The following TERF2IP variants were observed in gnomAD, a reference collection of about 807,000 sequenced individuals.
The protein encoded by TERF2IP is TERF2 interacting protein, also known as telomeric repeat-binding factor 2-interacting protein 1.
In TERF2IP, 35 loss-of-function variants were observed where a neutral mutation model predicts 33.3. The observed-to-expected ratio is 1.05, with a 90% confidence interval of 0.80 to 1.39. The LOEUF (loss-of-function observed/expected upper bound fraction) is 1.39, where lower values mean the gene tolerates loss of function less well. Among genes scored for constraint, TERF2IP ranks in the 40% most tolerant of loss-of-function variants. The probability of loss-of-function intolerance (pLI) is 0.00; values close to 1 mark genes in which losing one functional copy is unlikely to be tolerated. For synonymous variants in TERF2IP, 253 were observed against 223.2 expected, an observed-to-expected ratio of 1.13 and a Z score of -1.19; for missense variants, 583 against 524.8, an observed-to-expected ratio of 1.11 and a Z score of -1.08.
rs771953831 is a variant in TERF2IP at position 75,648,577 on chromosome 16, C to A, written c.670+25C>A. The A allele has an allele frequency of 1.3e-4, 190 of 1,509,100 alleles. No homozygotes were observed. The highest frequency in any genetic ancestry group is 7.9e-4 in the East Asian group (33 of 41,940). The allele number at this position is 1,509,100 out of a possible 1,614,324, so 93.5% of individuals were successfully genotyped here. A position where few individuals can be genotyped will look rare whatever the true frequency, so the allele number is the denominator to read the frequency against. On this transcript the variant is annotated intron_variant, in intron 1 of 2. Transcript: ENST00000300086. ...GGTGAGGAGGCTGAGCGCGGGGCCT[C>A]GCGGATATCTGCGCGGGTGGGGTTG... is the stretch of plus-strand genomic sequence containing the variant.
At position 75,656,320 on chromosome 16, in the gene TERF2IP, A is replaced by G; in HGVS notation, c.909A>G (p.Glu303=). ...CTGATGAGGAGGAAGAAGAAGAAGAAGAAAAAGTTTCTCAACCAGAGGTGG... is the reference window on the plus strand; with the variant it reads ...CTGATGAGGAGGAAGAAGAAGAAGAGGAAAAAGTTTCTCAACCAGAGGTGG... The part of the protein sequence containing the change: ...TQPDEEEEEE[E]EKVSQPEVGA... The change falls in exon 3 of 3, where the codon GAA becomes GAG. Residue 303 remains glutamate (E), a synonymous_variant. Coordinates refer to ENST00000300086, the MANE Select transcript of TERF2IP (RefSeq NM_018975.4). The G allele has an allele frequency of 6.2e-7, 1 of 1,614,204 alleles. No individual in the cohort carries two copies. The highest frequency in any genetic ancestry group is 8.5e-7 in the Non-Finnish European group (1 of 1,180,034).
intron 1 of TERF2IP, among the ~76,000 whole-genome samples, chr16:75,650,329 C>G (rs535056639): frequency 1.9e-4 from 29 of 152,238 alleles, no homozygotes; most frequent in East Asian, 1.5e-3. Context: ...AGGTGGATAT[C>G]TGGGGAAGAG....
In TERF2IP at chr16:75,647,870, C is replaced by A; in HGVS notation, c.-13C>A. The A allele has an allele frequency of 6.2e-7, 1 of 1,601,526 alleles. No individual in the cohort carries two copies. On this transcript the variant is annotated 5_prime_UTR_variant, in exon 1 of 3. Transcript: ENST00000300086. ...CGAGGGGGTAGCTCTTCTAGTAGTG[C>A]TCGGCGTCAGACATGGCGGAGGCGA...
At position 75,656,667 on chromosome 16, in the gene TERF2IP, A is replaced by T. The variant is rs1447174424; in HGVS notation, c.*56A>T. The T allele has an allele frequency of 6.7e-7, 1 of 1,482,652 alleles. No homozygotes were observed. The highest frequency in any genetic ancestry group is 9.1e-7 in the Non-Finnish European group (1 of 1,101,028). The allele number at this position is 1,482,652 out of a possible 1,614,324, so 91.8% of individuals were successfully genotyped here. A position where few individuals can be genotyped will look rare whatever the true frequency, so the allele number is the denominator to read the frequency against. ...ATGGTAGGTGAGGTGGTTAAAAAAA[A>T]TTGTGACCAATGAACTTTAGAGAGT... On this transcript the variant is annotated 3_prime_UTR_variant, in exon 3 of 3. Transcript: ENST00000300086.
chr16:75,654,507 G>C, intron 2 of TERF2IP, 110 bp downstream of exon 2: 1 of 1,203,434 alleles, frequency 8.3e-7, no homozygotes, highest in Non-Finnish European at 1.1e-6. Flanking sequence ...AAGTGAGAGA[G>C]GAGTTCAAGA....
At chr16:75,654,148 TAAAAAAAAA>T (rs34359798) in intron 1 of TERF2IP, 116 bp from the exon 2 acceptor site, 10 of 290,468 alleles carry the variant, frequency 3.4e-5, no homozygotes, top group East Asian at 7.7e-5. Context: ...CTTCTGATAG[TAAAAAAAAA>T]AAAAAAAAAA....
intron 1 of TERF2IP, among the ~76,000 whole-genome samples, chr16:75,652,810 C>T (rs2082357015): frequency 6.6e-6 from 1 of 152,182 alleles, no homozygotes; most frequent in Non-Finnish European, 1.5e-5. Context: ...ACTGTCACCA[C>T]CATCTGTATC....
rs2082389994 is a variant in TERF2IP at position 75,656,726 on chromosome 16, A to G, written c.*115A>G. ...TGGAACTGGCACTTATTTTCTGACC[A>G]TCGCTGCTGTTGCTCTGTGAGTCCT... On this transcript the variant is annotated 3_prime_UTR_variant, in exon 3 of 3. Transcript: ENST00000300086. The G allele has an allele frequency of 1.0e-6, 1 of 992,456 alleles. No individual in the cohort carries two copies. The highest frequency in any genetic ancestry group is 2.6e-5 in the East Asian group (1 of 38,964). The allele number at this position is 992,456 out of a possible 1,614,324, so 61.5% of individuals were successfully genotyped here.
intron 1 of TERF2IP, among the ~76,000 whole-genome samples, chr16:75,651,127 G>T (rs887018775): frequency 2.0e-5 from 3 of 152,110 alleles, no homozygotes; most frequent in South Asian, 4.1e-4. Context: ...AAAAGACAAA[G>T]AAAAAGTTTT....
rs150763950 is a variant in TERF2IP, at chr16:75,656,958, G to T, written c.*347G>T. 4.2e-3 allele frequency: 812 copies of T among 191,834 alleles called. 8 individuals are homozygous for T. Among genetic ancestry groups the T allele is most frequent in the African/African-American group, 0.018 (753 of 42,702 alleles). 11.9% of individuals were successfully genotyped at this position (191,834 alleles called of 1,614,324 possible). A position where few individuals can be genotyped will look rare whatever the true frequency, so the allele number is the denominator to read the frequency against. ...AGTGAAAGGAAATTTAGGAGGCATA[G>T]GCCATTTCAGGCAGCATAAGTAATC... On this transcript the variant is annotated 3_prime_UTR_variant, in exon 3 of 3. Transcript: ENST00000300086.
At chr16:75,651,177 A>C (rs372285358) in intron 1 of TERF2IP, among the ~76,000 whole-genome samples, 13 of 152,280 alleles carry the variant, frequency 8.5e-5, no homozygotes, top group African/African-American at 3.1e-4. Flanking sequence ...TTCTCATGAT[A>C]AATAAAGTCA....
In TERF2IP at chr16:75,654,380, G is replaced by A. The variant is rs2082369391; in HGVS notation, c.778G>A (p.Glu260Lys). 1.2e-6 allele frequency: 2 copies of A among 1,613,552 alleles called. No homozygotes were observed. Among genetic ancestry groups the A allele is most frequent in the Non-Finnish European group, 1.7e-6 (2 of 1,179,714 alleles). Residue 260 changes from glutamate (E) to lysine (K), a missense_variant, in exon 2 of 3, where the codon GAG becomes AAG. Coordinates refer to ENST00000300086, the MANE Select transcript of TERF2IP (RefSeq NM_018975.4). ...VKKMLVEATR[E>K]FEEVVVDESP... ...AAAGATGCTTGTGGAAGCCACCCGG[G>A]AGTTTGAGGAGGTTGTGGTATGTTA...
In TERF2IP at chr16:75,648,655, C is replaced by G. The variant is rs781486556; in HGVS notation, c.670+103C>G. On this transcript the variant is annotated intron_variant, in intron 1 of 2. Coordinates refer to ENST00000300086, the MANE Select transcript of TERF2IP (RefSeq NM_018975.4). ...CATCTTGGCATCTTCGGTAGCAGCG[C>G]TTGGCCCCGCCCCCTGTTGACATCC... is the stretch of plus-strand genomic sequence containing the variant. 226 of 1,438,966 alleles carry G rather than the reference C, an allele frequency of 1.6e-4. 1 individual carries two copies. The highest frequency in any genetic ancestry group is 1.9e-4 in the Non-Finnish European group (213 of 1,098,774). 89.1% of individuals were successfully genotyped at this position (1,438,966 alleles called of 1,614,324 possible).
In TERF2IP at chr16:75,648,357, A is replaced by G; in HGVS notation, c.475A>G (p.Thr159Ala). 1 of 1,599,874 alleles carries G rather than the reference A, an allele frequency of 6.3e-7. No individual in the cohort carries two copies. The highest frequency in any genetic ancestry group is 8.5e-7 in the Non-Finnish European group (1 of 1,173,782). ...AAATGCCCGCTCGCCCAGCTCCGTCACCGGTAACGCCTTGTGGAAAGCGAT... is the reference window on the plus strand; with the variant it reads ...AAATGCCCGCTCGCCCAGCTCCGTCGCCGGTAACGCCTTGTGGAAAGCGAT... ...KENARSPSSV[T>A]GNALWKAMEK... is the part of the protein sequence containing the mutation. Residue 159 changes from threonine to alanine, a missense_variant, in exon 1 of 3, where the codon ACC becomes GCC. Thr to Ala is a moderately conservative substitution (Grantham distance 58). Coordinates refer to ENST00000300086, the MANE Select transcript of TERF2IP (RefSeq NM_018975.4).
At position 75,650,111 on chromosome 16, in the gene TERF2IP, T is replaced by A. The variant is rs2082336032; in HGVS notation, c.670+1559T>A. On this transcript the variant is annotated intron_variant, in intron 1 of 2. Transcript: ENST00000300086. ...CAGCAGAAATTTGAGTGCCAGACAT[T>A]GTGGTCCTGCTGGAATATAACAATA... is the stretch of plus-strand genomic sequence containing the variant. Among the ~76,000 whole-genome samples, 4 of 152,192 alleles carry A rather than the reference T, an allele frequency of 2.6e-5. No homozygotes were observed. In the South Asian group the frequency reaches 8.3e-4, roughly 31 times the overall value.
rs1220664672 is a variant in TERF2IP at position 75,648,544 on chromosome 16, A to G, written c.662A>G (p.Asp221Gly). Reference sequence around the variant, plus strand: ...GCGGAGGAGGACCCGGAGGCCGCGGATAGCGGGGGTGAGGAGGCTGAGCGC... The same window carrying G: ...GCGGAGGAGGACCCGGAGGCCGCGGGTAGCGGGGGTGAGGAGGCTGAGCGC... ...RKAEEDPEAADSGEPQNKRTP... is the reference protein window; with the variant it reads ...RKAEEDPEAAGSGEPQNKRTP... The change falls in exon 1 of 3, where the codon GAT becomes GGT. Residue 221 changes from aspartate (D) to glycine (G), a missense_variant. By Grantham distance (94) the Asp-to-Gly change is moderately conservative. Transcript: ENST00000300086. 2.6e-6 allele frequency: 4 copies of G among 1,557,512 alleles called. No individual in the cohort carries two copies. Among genetic ancestry groups the G allele is most frequent in the Admixed American group, 1.9e-5 (1 of 52,166 alleles).
Position 75,653,136 on chromosome 16 carries a change from T to C in TERF2IP, c.671-1137T>C, listed in dbSNP as rs370114398. 1.3e-4 allele frequency among the ~76,000 whole-genome samples: 20 copies of C among 152,376 alleles called. No individual in the cohort carries two copies. In the East Asian group the frequency reaches 3.9e-3, roughly 29 times the overall value. On this transcript the variant is annotated intron_variant, in intron 1 of 2. Coordinates refer to ENST00000300086, the MANE Select transcript of TERF2IP (RefSeq NM_018975.4). Reference sequence around the variant, plus strand: ...TGAATAATATTCCATTGTATGTATATACTACATTTTGTTTTTCCATTAATG... The same window carrying C: ...TGAATAATATTCCATTGTATGTATACACTACATTTTGTTTTTCCATTAATG...
Position 75,647,889 on chromosome 16 carries a change from G to A in TERF2IP, c.7G>A (p.Glu3Lys). The part of the protein sequence containing the change: MA[E>K]AMDLGKDPNG... ...GTAGTGCTCGGCGTCAGACATGGCG[G>A]AGGCGATGGATTTGGGCAAAGACCC... Residue 3 changes from glutamate to lysine, a missense_variant, in exon 1 of 3, where the codon GAG (glutamate) becomes AAG (lysine). Coordinates refer to ENST00000300086, the MANE Select transcript of TERF2IP (RefSeq NM_018975.4). 1 of 1,604,620 alleles carries A rather than the reference G, an allele frequency of 6.2e-7. No individual in the cohort carries two copies. The highest frequency in any genetic ancestry group is 2.2e-5 in the East Asian group (1 of 44,624).
intron 1 of TERF2IP, among the ~76,000 whole-genome samples, chr16:75,652,563 T>C (rs1216037626): frequency 1.3e-5 from 2 of 152,228 alleles, no homozygotes; most frequent in Non-Finnish European, 2.9e-5. Flanking sequence ...CCAGACATCA[T>C]ATCATTTTAT....
Sources: gnomAD v4.1 joint callset for allele counts (sites outside exome capture counted in the v4.1 genomes callset) on GRCh38, gnomAD v4.1.1 for gene constraint, MANE v1.5 for transcripts, NCBI Gene and HGNC (gene_info 2026-07-23, HGNC 2026-07-21) for gene names.